The following JMJD1C variants were observed in gnomAD, a reference collection of about 807,000 sequenced individuals.
The protein encoded by JMJD1C is jumonji domain containing 1C, also known as jumonji domain-containing protein 1C.
In JMJD1C, 31 loss-of-function variants were observed where a neutral mutation model predicts 245.3. The observed-to-expected ratio is 0.13, with a 90% confidence interval of 0.09 to 0.17. The LOEUF (loss-of-function observed/expected upper bound fraction) is 0.17, where lower values mean the gene tolerates loss of function less well. Among genes scored for constraint, JMJD1C ranks in the 10% least tolerant of loss-of-function variants. JMJD1C has a pLI of 1.00. For synonymous variants in JMJD1C, 1,057 were observed against 1,017.4 expected, an observed-to-expected ratio of 1.04 and a Z score of -0.74; for missense variants, 2,691 against 3,000.2, an observed-to-expected ratio of 0.90 and a Z score of 2.41.
intron 22 of JMJD1C, 136 bp downstream of exon 22, chr10:63,183,311 G>C: frequency 1.5e-6 from 1 of 652,016 alleles, no homozygotes; most frequent in Non-Finnish European, 2.5e-6. Flanking sequence ...AGTAATAAGG[G>C]CTAAAATGCC....
chr10:63,278,534 A>G (rs1055694663), intron 2 of JMJD1C, among the ~76,000 whole-genome samples: 1 of 151,286 alleles, frequency 6.6e-6, no homozygotes, highest in African/African-American at 2.4e-5. Context: ...AAAAAAATCA[A>G]AAGCAAGCAA....
At chr10:63,420,863 AAAACAAACAAAATCAACAAAGTACAAAAC>A (rs1950087273) in intron 1 of JMJD1C, among the ~76,000 whole-genome samples, 4 of 116,074 alleles carry the variant, frequency 3.4e-5, no homozygotes, top group African/African-American at 2.7e-4. Context: ...AACAAAGTAC[AAAACAAACAAAATCAACAAAGTACAAAAC>A]AAACATTGTA....
intron 8 of JMJD1C, among the ~76,000 whole-genome samples, chr10:63,213,022 C>G (rs938734092): frequency 6.6e-6 from 1 of 150,846 alleles, no homozygotes; most frequent in Admixed American, 6.6e-5. Context: ...TCCGTCTCTA[C>G]TAAAAATACA....
intron 1 of JMJD1C, among the ~76,000 whole-genome samples, chr10:63,443,589 G>C (rs1951520662): frequency 6.6e-6 from 1 of 152,232 alleles, no homozygotes; most frequent in Non-Finnish European, 1.5e-5. Flanking sequence ...TGGGATTACA[G>C]GCGTGAGCCA....
intron 2 of JMJD1C, among the ~76,000 whole-genome samples, chr10:63,304,124 GTATTCT>G (rs1937669982): frequency 6.6e-6 from 1 of 152,174 alleles, no homozygotes; most frequent in Non-Finnish European, 1.5e-5. Flanking sequence ...TTCTATCAGA[GTATTCT>G]TATAGTTAGT....
At chr10:63,512,729 T>C (rs1274175722) in intron 1 of JMJD1C, among the ~76,000 whole-genome samples, 1 of 152,212 alleles carries the variant, frequency 6.6e-6, no homozygotes, top group African/African-American at 2.4e-5. Context: ...TAGTTTGATA[T>C]CTGACACTCA....
chr10:63,438,869 T>C (rs917328717), intron 1 of JMJD1C, among the ~76,000 whole-genome samples: 1 of 152,184 alleles, frequency 6.6e-6, no homozygotes, highest in Non-Finnish European at 1.5e-5. Context: ...CCCTCAACAT[T>C]CATGCTTTTA....
At chr10:63,289,689 T>C (rs552796875) in intron 2 of JMJD1C, among the ~76,000 whole-genome samples, 1 of 152,328 alleles carries the variant, frequency 6.6e-6, no homozygotes, top group East Asian at 1.9e-4. Context: ...ATAAACAGTA[T>C]TGTAATCCAT....
chr10:63,380,191 G>C (rs567659036), intron 2 of JMJD1C, 127 bp downstream of exon 2: 1 of 913,316 alleles, frequency 1.1e-6, no homozygotes, highest in South Asian at 1.4e-5. Context: ...CAATTGTCCT[G>C]CTTCAGCCTC....
At chr10:63,324,583 A>G (rs1019811734) in intron 2 of JMJD1C, among the ~76,000 whole-genome samples, 2 of 152,218 alleles carry the variant, frequency 1.3e-5, no homozygotes, top group East Asian at 1.9e-4. Context: ...CCTTCATTCA[A>G]TGAATGCTTC....
At chr10:63,363,252 C>CTT (rs71463517) in intron 2 of JMJD1C, among the ~76,000 whole-genome samples, 3,460 of 99,792 alleles carry the variant, frequency 0.035, 140 homozygotes, top group Non-Finnish European at 0.056. Flanking sequence ...TCATACAATT[C>CTT]TTTTTTTTTT....
intron 2 of JMJD1C, among the ~76,000 whole-genome samples, chr10:63,296,566 A>G (rs936547486): frequency 6.6e-6 from 1 of 152,236 alleles, no homozygotes; most frequent in Non-Finnish European, 1.5e-5. Context: ...ACTTGTTTAC[A>G]GTATGAAATC....
chr10:63,399,054 T>C (rs1026201455), intron 1 of JMJD1C, among the ~76,000 whole-genome samples: 10 of 152,326 alleles, frequency 6.6e-5, no homozygotes, highest in African/African-American at 9.6e-5. Flanking sequence ...TTGAAATCGG[T>C]TGGTATCCTG....
chr10:63,335,549 A>C lies in JMJD1C; in HGVS notation c.333+44769T>G, dbSNP rs149435328. On this transcript the variant is annotated intron_variant, in intron 2 of 25. Transcript: ENST00000399262. ...TGTTATGAGACAAAGTCTTACTCTG[A>C]CGCCCAGGCTGGAGTGCAGTGGCAC... Among the ~76,000 whole-genome samples the C allele has an allele frequency of 3.1e-3, 469 of 152,194 alleles. 3 individuals carry two copies. The highest frequency in any genetic ancestry group is 0.011 in the African/African-American group (456 of 41,552).
chr10:63,183,707 T>G, intron 21 of JMJD1C, 138 bp from the exon 22 acceptor site: 1 of 476,988 alleles, frequency 2.1e-6, no homozygotes, highest in Non-Finnish European at 3.6e-6. Context: ...AAAAACCTGT[T>G]CCAAAAGCCA....
intron 1 of JMJD1C, among the ~76,000 whole-genome samples, chr10:63,384,435 C>A (rs1947435437): frequency 6.6e-6 from 1 of 152,098 alleles, no homozygotes; most frequent in Admixed American, 6.6e-5. Flanking sequence ...CAAAATTATT[C>A]CTTGATCTAT....
chr10:63,416,206 T>C (rs1236332920), intron 1 of JMJD1C, among the ~76,000 whole-genome samples: 1 of 152,160 alleles, frequency 6.6e-6, no homozygotes, highest in Non-Finnish European at 1.5e-5. Flanking sequence ...AGTGTTTAAA[T>C]TGTTATACAT....
At chr10:63,315,208 T>C (rs1939812383) in intron 2 of JMJD1C, among the ~76,000 whole-genome samples, 1 of 152,142 alleles carries the variant, frequency 6.6e-6, no homozygotes, top group Non-Finnish European at 1.5e-5. Context: ...GGGGTATGAA[T>C]TATCTCATCA....
chr10:63,396,091 A>G (rs1278499175), intron 1 of JMJD1C, among the ~76,000 whole-genome samples: 1 of 152,176 alleles, frequency 6.6e-6, no homozygotes, highest in Non-Finnish European at 1.5e-5. Flanking sequence ...AACAAATTAA[A>G]TGCATAAGTA....
Sources: allele counts gnomAD v4.1 joint callset (sites outside exome capture counted in the v4.1 genomes callset), GRCh38; gene constraint gnomAD v4.1.1; transcripts MANE v1.5; gene names NCBI Gene and HGNC (gene_info 2026-07-23, HGNC 2026-07-21).